C3orf85: variants seen among roughly 807,000 people sequenced by gnomAD.
C3orf85 encodes chromosome 3 open reading frame 85.
C3orf85 carries 1 observed loss-of-function variant against 1.7 expected under a neutral mutation model. The observed-to-expected ratio is 0.60, with a 90% CI of 0.21 to 2.86. C3orf85 has a LOEUF of 2.86. Ranked by LOEUF, C3orf85 falls within the 30% of genes most tolerant of loss-of-function variation. The probability of loss-of-function intolerance (pLI) is 0.22; values close to 1 mark genes in which losing one functional copy is unlikely to be tolerated. For missense variants in C3orf85, 29 were observed against 21.3 expected (o/e 1.36, Z -0.72); for synonymous variants, 17 against 8.0 (o/e 2.13, Z -1.90).
At chr3:109,139,142 A>G (rs974530721) in intron 2 of C3orf85, among the ~76,000 whole-genome samples, 19 of 152,234 alleles carry the variant, frequency 1.2e-4, no homozygotes, top group African/African-American at 4.6e-4. Context: ...AATCAATGGT[A>G]GAAGCTGCAT....
chr3:109,142,585 A>T (rs1706753147), intron 2 of C3orf85, among the ~76,000 whole-genome samples: 1 of 152,138 alleles, frequency 6.6e-6, no homozygotes, highest in African/African-American at 2.4e-5. Flanking sequence ...GACCCCACTG[A>T]ATCTCATTGC....
intron 2 of C3orf85, among the ~76,000 whole-genome samples, chr3:109,137,637 GTATATATATATATATATATATA>G (rs1553767249): frequency 1.3e-5 from 1 of 79,896 alleles, no homozygotes; most frequent in Non-Finnish European, 2.6e-5. Flanking sequence ...GTGTGTGTGT[GTATATATATATATATATATATA>G]TATATATATA....
rs1436615146 is a variant in C3orf85, at chr3:109,137,635, G to GTATA, written c.49+740_49+741insATAT. ...GATGTATATATGTGTGTGTGTGTGT[G>GTATA]TGTATATATATATATATATATATAT... On this transcript the variant is annotated intron_variant, in intron 2 of 3. Coordinates refer to ENST00000622536, the MANE Select transcript of C3orf85 (RefSeq NM_001351622.2). 7.8e-3 allele frequency among the ~76,000 whole-genome samples: 379 copies of GTATA among 48,754 alleles called. 9 individuals carry two copies. The East Asian group carries it at 0.16, about 21-fold the overall frequency. The allele number at this position is 48,754 out of a possible 152,430, so 32.0% of individuals were successfully genotyped here.
intron 2 of C3orf85, among the ~76,000 whole-genome samples, chr3:109,138,346 T>G (rs1024568495): frequency 6.6e-6 from 1 of 152,220 alleles, no homozygotes; most frequent in African/African-American, 2.4e-5. Flanking sequence ...GCTTGCAGAT[T>G]GAGGAGACTG....
At chr3:109,147,075 A>T (rs1430103665) in intron 2 of C3orf85, among the ~76,000 whole-genome samples, 1 of 152,042 alleles carries the variant, frequency 6.6e-6, no homozygotes, top group Non-Finnish European at 1.5e-5. Flanking sequence ...TCTGGCTTAA[A>T]TTTTTTAAAA....
At chr3:109,137,410 A>C (rs1046716293) in intron 2 of C3orf85, among the ~76,000 whole-genome samples, 1 of 151,910 alleles carries the variant, frequency 6.6e-6, no homozygotes, top group Non-Finnish European at 1.5e-5. Context: ...TTGAACTGAG[A>C]GGTCATTTGT....
chr3:109,142,052 G>C (rs1706748254), intron 2 of C3orf85, among the ~76,000 whole-genome samples: 1 of 152,002 alleles, frequency 6.6e-6, no homozygotes, highest in Admixed American at 6.6e-5. Flanking sequence ...ACTTAACAAA[G>C]AGAATATTCA....
At chr3:109,139,303 C>T (rs754309847) in intron 2 of C3orf85, among the ~76,000 whole-genome samples, 1 of 152,224 alleles carries the variant, frequency 6.6e-6, no homozygotes, top group Non-Finnish European at 1.5e-5. Flanking sequence ...GAGGCAGTAT[C>T]ATAGCCGTTG....
rs113482052 is a variant in C3orf85 at position 109,144,916 on chromosome 3, T to G, written c.50-3337T>G. On this transcript the variant is annotated intron_variant, in intron 2 of 3. Transcript: ENST00000622536. ...TAACAGAATAATAGCACATAAAATA[T>G]GTAACACTGTAACACACACCTTTTC... Among the ~76,000 whole-genome samples the G allele has an allele frequency of 4.7e-3, 712 of 152,332 alleles. 3 individuals are homozygous for G. The highest frequency in any genetic ancestry group is 0.016 in the African/African-American group (658 of 41,572).
At chr3:109,140,661 A>G (rs35663794) in intron 2 of C3orf85, among the ~76,000 whole-genome samples, 4,600 of 152,304 alleles carry the variant, frequency 0.03, 147 homozygotes, top group Middle Eastern at 0.092. Flanking sequence ...AAGAGTCACT[A>G]TTGAATCAAA....
Position 109,150,055 on chromosome 3 carries a change from C to T in C3orf85, c.*161C>T. ...TTGTTGAAAACAGTAGTTATGAAAA[C>T]CCATGTAGGAAACTGGAATAAGACA... On this transcript the variant is annotated 3_prime_UTR_variant, in exon 4 of 4. Coordinates refer to ENST00000622536, the MANE Select transcript of C3orf85 (RefSeq NM_001351622.2). 1 of 379,678 alleles carries T rather than the reference C, an allele frequency of 2.6e-6. No homozygotes were observed. The highest frequency in any genetic ancestry group is 4.7e-6 in the Non-Finnish European group (1 of 214,822). The allele number at this position is 379,678 out of a possible 1,614,324, so 23.5% of individuals were successfully genotyped here. A position where few individuals can be genotyped will look rare whatever the true frequency, so the allele number is the denominator to read the frequency against.
At chr3:109,146,692 G>C (rs1156587197) in intron 2 of C3orf85, among the ~76,000 whole-genome samples, 1 of 152,176 alleles carries the variant, frequency 6.6e-6, no homozygotes, top group Non-Finnish European at 1.5e-5. Context: ...CTTAGAGCAA[G>C]TGGTCCAAAA....
intron 2 of C3orf85, among the ~76,000 whole-genome samples, chr3:109,144,378 T>G (rs1706773212): frequency 1.3e-5 from 2 of 152,322 alleles, no homozygotes; most frequent in African/African-American, 2.4e-5. Flanking sequence ...CATCTCTGCA[T>G]GTCAATTTTC....
At chr3:109,137,990 C>T (rs929752189) in intron 2 of C3orf85, among the ~76,000 whole-genome samples, 2 of 152,024 alleles carry the variant, frequency 1.3e-5, no homozygotes, top group Non-Finnish European at 2.9e-5. Context: ...GAGGGGGTAA[C>T]GGTGGTGGAT....
At chr3:109,138,088 G>A (rs924397585) in intron 2 of C3orf85, among the ~76,000 whole-genome samples, 21 of 152,112 alleles carry the variant, frequency 1.4e-4, no homozygotes, top group African/African-American at 5.1e-4. Flanking sequence ...AAATGGTTCT[G>A]CAAAATTTTT....
At chr3:109,137,645 A>G (rs554125452) in intron 2 of C3orf85, among the ~76,000 whole-genome samples, 59 of 138,994 alleles carry the variant, frequency 4.2e-4, no homozygotes, top group Non-Finnish European at 7.4e-4. Context: ...GTGTATATAT[A>G]TATATATATA....
chr3:109,142,329 T>G (rs1706750441), intron 2 of C3orf85, among the ~76,000 whole-genome samples: 1 of 152,236 alleles, frequency 6.6e-6, no homozygotes, highest in Non-Finnish European at 1.5e-5. Flanking sequence ...GGACTGAGAC[T>G]CAGCAGTTCA....
At chr3:109,146,860 G>A (rs1706804505) in intron 2 of C3orf85, among the ~76,000 whole-genome samples, 4 of 152,040 alleles carry the variant, frequency 2.6e-5, no homozygotes, top group South Asian at 2.1e-4. Flanking sequence ...GTAATTTTTG[G>A]GAGCCACCTT....
intron 2 of C3orf85, among the ~76,000 whole-genome samples, chr3:109,137,405 C>T (rs1034088733): frequency 2.0e-5 from 3 of 151,720 alleles, no homozygotes; most frequent in Non-Finnish European, 4.4e-5. Flanking sequence ...CAAAATTGAA[C>T]TGAGAGGTCA....
Sources: gnomAD v4.1 joint callset for allele counts (sites outside exome capture counted in the v4.1 genomes callset) on GRCh38, gnomAD v4.1.1 for gene constraint, MANE v1.5 for transcripts, NCBI Gene and HGNC (gene_info 2026-07-23, HGNC 2026-07-21) for gene names.